DZIP3: variants seen among roughly 807,000 people sequenced by gnomAD.
DZIP3 encodes the protein E3 ubiquitin-protein ligase DZIP3.
Under a neutral mutation model 162.0 loss-of-function variants are expected in DZIP3, and 118 were observed. The observed-to-expected ratio is 0.73, with a 90% CI of 0.63 to 0.85. DZIP3 has a LOEUF of 0.85. Among genes scored for constraint, DZIP3 ranks in the 40% least tolerant of loss-of-function variants. DZIP3 has a pLI of 0.00. For synonymous variants in DZIP3, 438 were observed against 458.6 expected (o/e 0.96, Z 0.57); for missense variants, 1,331 against 1,407.0 (o/e 0.95, Z 0.86).
rs1212844620 is a variant in DZIP3, at chr3:108,694,019, AAGAATTC to A, written c.*670_*676del. On this transcript the variant is annotated 3_prime_UTR_variant, in exon 33 of 33. Coordinates refer to ENST00000361582, the MANE Select transcript of DZIP3 (RefSeq NM_014648.4). ...TACATGTCTCTGGTTTCAGAATTAAAAGAATTCAGAGTTACCTTGTGAGATAAATGTT... is the reference window on the plus strand; with the variant it reads ...TACATGTCTCTGGTTTCAGAATTAAAAGAGTTACCTTGTGAGATAAATGTT... 2 of 152,300 alleles carry A rather than the reference AAGAATTC, an allele frequency of 1.3e-5. No homozygotes were observed. The highest frequency in any genetic ancestry group is 2.9e-5 in the Non-Finnish European group (2 of 68,018). 9.4% of individuals were successfully genotyped at this position (152,300 alleles called of 1,614,324 possible). A position where few individuals can be genotyped will look rare whatever the true frequency, so the allele number is the denominator to read the frequency against.
chr3:108,637,424 G>A, intron 11 of DZIP3, 72 bp from the exon 12 acceptor site: 1 of 1,336,172 alleles, frequency 7.5e-7, no homozygotes, highest in Non-Finnish European at 1.1e-6. Context: ...CAAATGTTAA[G>A]CTAAGAAATA....
intron 4 of DZIP3, among the ~76,000 whole-genome samples, chr3:108,613,488 T>C (rs1352792081): frequency 6.6e-6 from 1 of 152,152 alleles, no homozygotes; most frequent in Non-Finnish European, 1.5e-5. Flanking sequence ...GGACCAAATA[T>C]ATACAGAACC....
At chr3:108,619,294 A>ATG (rs560678214) in intron 5 of DZIP3, among the ~76,000 whole-genome samples, 1 of 138,256 alleles carries the variant, frequency 7.2e-6, no homozygotes, top group Non-Finnish European at 1.6e-5. Context: ...GTGTGGGTAT[A>ATG]TGTGTGTATG....
chr3:108,690,949 G>T, intron 32 of DZIP3, 46 bp downstream of exon 32: 5 of 1,534,972 alleles, frequency 3.3e-6, no homozygotes, highest in Non-Finnish European at 4.5e-6. Context: ...TTTATTATGA[G>T]CTGCTTGTTT....
chr3:108,654,030 C>G (rs1374427907), intron 18 of DZIP3, 115 bp from the exon 19 acceptor site: 1 of 1,109,330 alleles, frequency 9.0e-7, no homozygotes, highest in Non-Finnish European at 1.3e-6. Flanking sequence ...ATCATGAACC[C>G]TTCTAATGCT....
At chr3:108,607,481 G>T (rs905270305) in intron 2 of DZIP3, among the ~76,000 whole-genome samples, 63 of 152,172 alleles carry the variant, frequency 4.1e-4, no homozygotes, top group African/African-American at 1.4e-3. Context: ...CTATACAATG[G>T]TTCTGTATGC....
At chr3:108,664,734 G>T (rs1943595979) in intron 21 of DZIP3, among the ~76,000 whole-genome samples, 2 of 152,218 alleles carry the variant, frequency 1.3e-5, no homozygotes, top group South Asian at 4.1e-4. Context: ...AGTATTGTCA[G>T]TCCTTTGCTT....
chr3:108,687,472 T>A (rs192073876), intron 28 of DZIP3, among the ~76,000 whole-genome samples: 1 of 152,294 alleles, frequency 6.6e-6, no homozygotes, highest in East Asian at 1.9e-4. Context: ...TCTTTCATTA[T>A]ATAATTAATG....
At chr3:108,657,860 C>T (rs1368535557) in intron 19 of DZIP3, among the ~76,000 whole-genome samples, 1 of 152,104 alleles carries the variant, frequency 6.6e-6, no homozygotes. Context: ...ATAAAACAGA[C>T]TTTAAACCAA....
chr3:108,642,385 T>C (rs1942438478), intron 12 of DZIP3, 53 bp from the exon 13 acceptor site: 1 of 1,429,470 alleles, frequency 7.0e-7, no homozygotes. Flanking sequence ...AAATCTTGAC[T>C]GACTTTGGTA....
intron 6 of DZIP3, 120 bp from the exon 7 acceptor site, chr3:108,625,725 C>G: frequency 1.0e-6 from 1 of 957,146 alleles, no homozygotes; most frequent in Non-Finnish European, 1.5e-6. Flanking sequence ...AATAAATGAC[C>G]AGATGATTGT....
intron 5 of DZIP3, among the ~76,000 whole-genome samples, chr3:108,621,369 C>T (rs1941331816): frequency 6.6e-6 from 1 of 152,084 alleles, no homozygotes; most frequent in Non-Finnish European, 1.5e-5. Context: ...TGCAGGCATA[C>T]AATACATAAT....
At chr3:108,643,495 C>T (rs1942487262) in intron 13 of DZIP3, among the ~76,000 whole-genome samples, 1 of 151,582 alleles carries the variant, frequency 6.6e-6, no homozygotes, top group South Asian at 2.1e-4. Context: ...TGAGACTGTG[C>T]TTTCCTAACA....
intron 22 of DZIP3, among the ~76,000 whole-genome samples, chr3:108,672,064 C>T (rs114239271): frequency 0.014 from 2,103 of 151,948 alleles, 51 homozygotes; most frequent in African/African-American, 0.048. Flanking sequence ...GCCGTCTTCC[C>T]ACTATAACTT....
chr3:108,646,575 G>A (rs200113318), intron 14 of DZIP3, 42 bp from the exon 15 acceptor site: 371 of 1,411,862 alleles, frequency 2.6e-4, no homozygotes, highest in African/African-American at 8.9e-4. Context: ...CATTTGTTGC[G>A]TTTGCAATTG....
At chr3:108,612,654 C>T (rs1426419991) in intron 4 of DZIP3, among the ~76,000 whole-genome samples, 2 of 152,032 alleles carry the variant, frequency 1.3e-5, no homozygotes, top group African/African-American at 4.8e-5. Flanking sequence ...CACATTCTCC[C>T]GTATGTGTTA....
chr3:108,659,372 A>G (rs113590763), intron 19 of DZIP3, among the ~76,000 whole-genome samples: 4,293 of 152,288 alleles, frequency 0.028, 219 homozygotes, highest in African/African-American at 0.098. Flanking sequence ...TATAAACAGA[A>G]CCAAAGACAA....
At chr3:108,595,722 C>T (rs560852476) in intron 1 of DZIP3, among the ~76,000 whole-genome samples, 1 of 152,146 alleles carries the variant, frequency 6.6e-6, no homozygotes, top group East Asian at 1.9e-4. Flanking sequence ...CTCTAGTAAC[C>T]AGGGTTTAAG....
chr3:108,606,891 T>A (rs1299063944), intron 2 of DZIP3, among the ~76,000 whole-genome samples: 1 of 152,162 alleles, frequency 6.6e-6, no homozygotes, highest in Admixed American at 6.5e-5. Flanking sequence ...GATTTTAATA[T>A]GTATCTGGGA....
Sources: allele counts gnomAD v4.1 joint callset (sites outside exome capture counted in the v4.1 genomes callset), GRCh38; gene constraint gnomAD v4.1.1; transcripts MANE v1.5; gene names NCBI Gene and HGNC (gene_info 2026-07-23, HGNC 2026-07-21).